Variants in ATP10B observed in about 807,000 individuals in gnomAD.
ATP10B encodes the protein phospholipid-transporting ATPase VB.
ATP10B carries 122 observed loss-of-function variants against 141.2 expected under a neutral mutation model. The observed-to-expected ratio is 0.86, with a 90% CI of 0.75 to 1.00. The LOEUF is 1.00. Among genes scored for constraint, ATP10B ranks in the 50% least tolerant of loss-of-function variants. ATP10B has a pLI of 0.00. For synonymous variants in ATP10B, 685 were observed against 692.0 expected (o/e 0.99, Z 0.16); for missense variants, 1,876 against 1,825.3 (o/e 1.03, Z -0.51).
At chr5:160,674,653 G>A (rs550204647) in intron 6 of ATP10B, among the ~76,000 whole-genome samples, 1 of 152,074 alleles carries the variant, frequency 6.6e-6, no homozygotes, top group Non-Finnish European at 1.5e-5. Flanking sequence ...GACAGAGATA[G>A]CCCAGTTCCA....
chr5:160,803,108 C>T (rs1772505346), intron 1 of ATP10B, among the ~76,000 whole-genome samples: 1 of 152,138 alleles, frequency 6.6e-6, no homozygotes, highest in Admixed American at 6.5e-5. Context: ...GCATGGTGGG[C>T]TTGGAACCAG....
At chr5:160,808,260 A>G (rs183711656) in intron 1 of ATP10B, among the ~76,000 whole-genome samples, 261 of 152,336 alleles carry the variant, frequency 1.7e-3, no homozygotes, top group Non-Finnish European at 3.0e-3. Context: ...GACTTTGGAG[A>G]AAAGATTGGG....
chr5:160,771,156 T>C (rs17058242), intron 2 of ATP10B, among the ~76,000 whole-genome samples: 5,289 of 152,292 alleles, frequency 0.035, 248 homozygotes, highest in East Asian at 0.24. Flanking sequence ...TAAGAAATGA[T>C]GGATGTTCAC....
chr5:160,708,623 A>G (rs1355003355), intron 3 of ATP10B, among the ~76,000 whole-genome samples: 1 of 152,204 alleles, frequency 6.6e-6, no homozygotes, highest in Non-Finnish European at 1.5e-5. Context: ...AATCATGTAG[A>G]GAAGCCTCTG....
At chr5:160,570,241 A>C (rs1754792132) in intron 24 of ATP10B, among the ~76,000 whole-genome samples, 1 of 152,006 alleles carries the variant, frequency 6.6e-6, no homozygotes, top group African/African-American at 2.4e-5. Flanking sequence ...AATTTGGTAT[A>C]TTCATATATA....
intron 13 of ATP10B, among the ~76,000 whole-genome samples, chr5:160,628,955 A>G (rs945121456): frequency 1.3e-5 from 2 of 152,054 alleles, no homozygotes; most frequent in African/African-American, 2.4e-5. Context: ...AGAAAAAAAA[A>G]CAGCTTTTGT....
At chr5:160,661,927 G>A (rs1247897548) in intron 7 of ATP10B, among the ~76,000 whole-genome samples, 2 of 152,242 alleles carry the variant, frequency 1.3e-5, no homozygotes, top group East Asian at 1.9e-4. Flanking sequence ...ATCTCCTTAA[G>A]CTGACAGGCA....
intron 1 of ATP10B, among the ~76,000 whole-genome samples, chr5:160,803,970 A>G (rs1158906288): frequency 4.6e-5 from 7 of 152,036 alleles, no homozygotes; most frequent in African/African-American, 1.7e-4. Context: ...ATGGGGAGGC[A>G]GAAATCAAAT....
At chr5:160,597,418 G>A (rs1347265241) in intron 22 of ATP10B, among the ~76,000 whole-genome samples, 3 of 152,086 alleles carry the variant, frequency 2.0e-5, no homozygotes, top group Admixed American at 1.3e-4. Flanking sequence ...AGACTTAAAC[G>A]TTAGACCTAA....
In ATP10B at chr5:160,591,225, C is replaced by A. The variant is rs184227231; in HGVS notation, c.3565-86G>T. 1.9e-4 allele frequency: 198 copies of A among 1,025,690 alleles called. No individual in the cohort carries two copies. In the East Asian group the frequency reaches 2.3e-3, roughly 12 times the overall value. 63.5% of individuals were successfully genotyped at this position (1,025,690 alleles called of 1,614,324 possible). ...GCAACTTTCTTGCATGTGGCTGCGA[C>A]AGACAACCAGACGCATACAATGCCT... On this transcript the variant is annotated intron_variant, in intron 22 of 25. Coordinates refer to ENST00000327245, the MANE Select transcript of ATP10B (RefSeq NM_025153.3).
chr5:160,762,473 A>T (rs4305674), intron 2 of ATP10B, among the ~76,000 whole-genome samples: 9 of 151,916 alleles, frequency 5.9e-5, no homozygotes, highest in Non-Finnish European at 1.2e-4. Flanking sequence ...CTTTATAAAT[A>T]AAGGAGAGAT....
the ATP10B span, among the ~76,000 whole-genome samples, chr5:160,864,471 A>G: frequency 9.2e-5 from 14 of 152,046 alleles, no homozygotes; most frequent in Admixed American, 3.9e-4. Flanking sequence ...CACAGCCAGC[A>G]TCATACTGAA....
chr5:160,775,517 TA>T (rs1328822779), intron 2 of ATP10B, among the ~76,000 whole-genome samples: 1 of 152,082 alleles, frequency 6.6e-6, no homozygotes, highest in Non-Finnish European at 1.5e-5. Context: ...AGCACTGACA[TA>T]ACTTTTTGTT....
intron 1 of ATP10B, among the ~76,000 whole-genome samples, chr5:160,793,834 T>C (rs571851852): frequency 1.3e-5 from 2 of 152,358 alleles, no homozygotes; most frequent in South Asian, 4.1e-4. Context: ...ATCTTTTCAC[T>C]GTATTTTTTC....
intron 19 of ATP10B, among the ~76,000 whole-genome samples, chr5:160,604,719 CATAA>C (rs1283857945): frequency 6.6e-6 from 1 of 151,714 alleles, no homozygotes; most frequent in Non-Finnish European, 1.5e-5. Flanking sequence ...CACACACACA[CATAA>C]ACACACACAC....
At chr5:160,664,943 G>A (rs953789113) in intron 7 of ATP10B, among the ~76,000 whole-genome samples, 1 of 152,156 alleles carries the variant, frequency 6.6e-6, no homozygotes, top group African/African-American at 2.4e-5. Context: ...TACAGAAGAG[G>A]TTTCAGGTAT....
intron 22 of ATP10B, 127 bp from the exon 23 acceptor site, chr5:160,591,266 G>A: frequency 1.5e-6 from 1 of 677,930 alleles, no homozygotes. Flanking sequence ...ATTTGTGGTA[G>A]TAGAATGGAG....
chr5:160,708,317 C>T (rs942171568), intron 3 of ATP10B, among the ~76,000 whole-genome samples: 4 of 152,072 alleles, frequency 2.6e-5, no homozygotes, highest in Non-Finnish European at 1.5e-5. Flanking sequence ...CACTCAACCC[C>T]CGCCCCCTTC....
At chr5:160,576,687 A>AGAGGAAATGGGAGAGAAAT (rs1755211833) in intron 24 of ATP10B, among the ~76,000 whole-genome samples, 1 of 152,232 alleles carries the variant, frequency 6.6e-6, no homozygotes, top group South Asian at 2.1e-4. Context: ...GAAGAGAGCC[A>AGAGGAAATGGGAGAGAAAT]GAGGAAATGG....
Sources: allele counts gnomAD v4.1 joint callset (sites outside exome capture counted in the v4.1 genomes callset), GRCh38; gene constraint gnomAD v4.1.1; transcripts MANE v1.5; gene names NCBI Gene and HGNC (gene_info 2026-07-23, HGNC 2026-07-21).